Variants in SLC35E4 observed in about 807,000 individuals in gnomAD.
SLC35E4 encodes the protein solute carrier family 35 member E4.
SLC35E4 carries 15 observed loss-of-function variants against 19.3 expected under a neutral mutation model. That is an observed-to-expected ratio of 0.78 (90% confidence interval 0.52 to 1.20). The LOEUF is 1.20. SLC35E4 is among the 50% of genes most tolerant of loss of function. The pLI, the probability that SLC35E4 is intolerant of heterozygous loss-of-function variation, is 0.00. For synonymous variants in SLC35E4, 219 were observed against 219.9 expected (o/e 1.00, Z 0.04); for missense variants, 406 against 472.3 (o/e 0.86, Z 1.30).
chr22:30,663,076 T>G, exon 3 of SLC35E4: 1 of 208,792 alleles, frequency 4.8e-6, no homozygotes, highest in Non-Finnish European at 9.7e-6. Context: ...AAGAATGAGG[T>G]GGAATTGTAG....
rs778703165 is a variant in SLC35E4 at position 30,636,580 on chromosome 22, C to A, written c.130C>A (p.Pro44Thr). Residue 44 changes from proline (P) to threonine (T), a missense_variant, in exon 1 of 2, where the codon CCT becomes ACT. Transcript: ENST00000343605. The part of the protein sequence containing the change: ...PPGSPQALRQ[P>T]GRARVAMAAL... ...TGGCAGCCCTCAGGCCCTCCGGCAG[C>A]CTGGCCGGGCCCGAGTGGCCATGGC... 6.3e-7 allele frequency: 1 copy of A among 1,593,644 alleles called. No homozygotes were observed.
chr22:30,657,797 G>A (rs915031720), intron 2 of SLC35E4, among the ~76,000 whole-genome samples: 4 of 151,352 alleles, frequency 2.6e-5, no homozygotes, highest in East Asian at 3.9e-4. Flanking sequence ...CCAGCTACTC[G>A]GGAGGCTGAG....
downstream of SLC35E4, chr22:30,663,564 A>G: frequency 6.2e-7 from 1 of 1,614,208 alleles, no homozygotes; most frequent in Non-Finnish European, 8.5e-7. Context: ...CTGCTCCCAA[A>G]AGCCGCTGTT....
At chr22:30,653,126 G>C (rs1052896968) in intron 2 of SLC35E4, among the ~76,000 whole-genome samples, 1 of 152,210 alleles carries the variant, frequency 6.6e-6, no homozygotes, top group Non-Finnish European at 1.5e-5. Context: ...CTTAGTAAAT[G>C]CTTGCTCAGT....
At chr22:30,647,961 T>C (rs2088162515), downstream of SLC35E4, 1 of 152,132 alleles carries the variant, frequency 6.6e-6, no homozygotes, top group African/African-American at 2.4e-5. Context: ...ACACAGAAAC[T>C]AGGACATCCT....
downstream of SLC35E4, among the ~76,000 whole-genome samples, chr22:30,651,357 C>T (rs1213942039): frequency 7.5e-6 from 1 of 133,516 alleles, no homozygotes; most frequent in Non-Finnish European, 1.5e-5. Flanking sequence ...TATGCCACCA[C>T]ACGTGGCTAA....
chr22:30,653,729 GA>G (rs1241121409), intron 2 of SLC35E4: 2 of 152,084 alleles, frequency 1.3e-5, no homozygotes, highest in African/African-American at 4.8e-5. Context: ...CCTAGGCTGG[GA>G]ATTTCTGTTT....
At position 30,647,196 on chromosome 22, in the gene SLC35E4, G is replaced by A. The variant is rs562509832; in HGVS notation, c.*165G>A. On this transcript the variant is annotated 3_prime_UTR_variant, in exon 2 of 2. Transcript: ENST00000343605. ...GTGGATCACCTGAGGCCAGGAGTTCGAGACCAGCCTGGCTAACATGGCAAA... is the reference window on the plus strand; with the variant it reads ...GTGGATCACCTGAGGCCAGGAGTTCAAGACCAGCCTGGCTAACATGGCAAA... 13 of 817,736 alleles carry A rather than the reference G, an allele frequency of 1.6e-5. No individual in the cohort carries two copies. In the African/African-American group the frequency reaches 1.7e-4, roughly 11 times the overall value. 50.7% of individuals were successfully genotyped at this position (817,736 alleles called of 1,614,324 possible). A position where few individuals can be genotyped will look rare whatever the true frequency, so the allele number is the denominator to read the frequency against.
intron 2 of SLC35E4, among the ~76,000 whole-genome samples, chr22:30,657,995 TACTC>T (rs1391486403): frequency 1.3e-5 from 2 of 151,446 alleles, no homozygotes; most frequent in African/African-American, 4.8e-5. Context: ...AGGTTCCAGT[TACTC>T]AGGAGGCTAA....
Position 30,636,413 on chromosome 22 carries a change from T to G in SLC35E4, c.-38T>G, listed in dbSNP as rs1387111453. ...TCTCTGGTGGCCCAGAGGTCGTCAC[T>G]GGGGAGCCCGCCTCCTGCCCTAGCC... On this transcript the variant is annotated 5_prime_UTR_variant, in exon 1 of 2. Coordinates refer to ENST00000343605, the MANE Select transcript of SLC35E4 (RefSeq NM_001001479.4). The G allele has an allele frequency of 6.9e-7, 1 of 1,448,250 alleles. No individual in the cohort carries two copies. Among genetic ancestry groups the G allele is most frequent in the Non-Finnish European group, 9.1e-7 (1 of 1,098,514 alleles). 89.7% of individuals were successfully genotyped at this position (1,448,250 alleles called of 1,614,324 possible). A position where few individuals can be genotyped will look rare whatever the true frequency, so the allele number is the denominator to read the frequency against.
At position 30,647,403 on chromosome 22, in the gene SLC35E4, TAA is replaced by T. The variant is rs35362381; in HGVS notation, c.*385_*386del. Reference sequence around the variant, plus strand: ...AGACAGAGCGAGACGCTGTCTCAATTAAAAAAAAAAAAAAGTGGAGAACTGGC... The same window carrying T: ...AGACAGAGCGAGACGCTGTCTCAATTAAAAAAAAAAAAGTGGAGAACTGGC... On this transcript the variant is annotated 3_prime_UTR_variant, in exon 2 of 2. Transcript: ENST00000343605. 430 of 151,032 alleles carry T rather than the reference TAA, an allele frequency of 2.8e-3. No homozygotes were observed. Among genetic ancestry groups the T allele is most frequent in the Middle Eastern group, 3.4e-3 (1 of 294 alleles). The allele number at this position is 151,032 out of a possible 1,614,324, so 9.4% of individuals were successfully genotyped here. A position where few individuals can be genotyped will look rare whatever the true frequency, so the allele number is the denominator to read the frequency against.
At chr22:30,659,782 G>A (rs1420749933) in intron 2 of SLC35E4, among the ~76,000 whole-genome samples, 1 of 152,228 alleles carries the variant, frequency 6.6e-6, no homozygotes, top group African/African-American at 2.4e-5. Flanking sequence ...TTATGCAGAT[G>A]TAACTGATTT....
rs1253402297 is a variant in SLC35E4, at chr22:30,646,921, A to G, written c.943A>G (p.Ile315Val). The G allele has an allele frequency of 1.9e-6, 3 of 1,614,226 alleles. No individual in the cohort carries two copies. The highest frequency in any genetic ancestry group is 2.5e-6 in the Non-Finnish European group (3 of 1,180,036). Residue 315 changes from isoleucine to valine, a missense_variant, in exon 2 of 2, where the codon ATC becomes GTC. Coordinates refer to ENST00000343605, the MANE Select transcript of SLC35E4 (RefSeq NM_001001479.4). ...SRLSALSYVG[I>V]ALTLSGMFLY... ...CCTCAGTGCCCTCAGCTACGTGGGC[A>G]TCGCACTCACTCTTTCAGGAATGTT...
rs1222306033 is a variant in SLC35E4 at position 30,636,586 on chromosome 22, C to G, written c.136C>G (p.Arg46Gly). The change falls in exon 1 of 2, where the codon CGG becomes GGG. Residue 46 changes from arginine (R) to glycine (G), a missense_variant. Physicochemically the swap from Arg to Gly is moderately radical, Grantham distance 125. Coordinates refer to ENST00000343605, the MANE Select transcript of SLC35E4 (RefSeq NM_001001479.4). ...CCCTCAGGCCCTCCGGCAGCCTGGC[C>G]GGGCCCGAGTGGCCATGGCAGCACT... ...GSPQALRQPGRARVAMAALVW... is the reference protein window; with the variant it reads ...GSPQALRQPGGARVAMAALVW... 2 of 1,598,672 alleles carry G rather than the reference C, an allele frequency of 1.3e-6. No individual in the cohort carries two copies. Among genetic ancestry groups the G allele is most frequent in the East Asian group, 2.3e-5 (1 of 43,782 alleles).
intron 1 of SLC35E4, among the ~76,000 whole-genome samples, chr22:30,643,862 GAGGCAGGACAAAC>G (rs1424086044): frequency 2.0e-5 from 3 of 152,216 alleles, no homozygotes; most frequent in African/African-American, 7.2e-5. Flanking sequence ...AGGTGGCAAT[GAGGCAGGACAAAC>G]AGGCTGACAT....
chr22:30,666,324 A>T (rs1198600126), downstream of SLC35E4, among the ~76,000 whole-genome samples: 1 of 152,180 alleles, frequency 6.6e-6, no homozygotes, highest in Non-Finnish European at 1.5e-5. Context: ...ATGCTAGTTA[A>T]GAAATATCTA....
rs768838929 is a variant in SLC35E4 at position 30,636,537 on chromosome 22, GC to G, written c.93del (p.Glu32SerfsTer97). On this transcript the variant is annotated frameshift_variant, in exon 1 of 2. Transcript: ENST00000343605. LOFTEE classifies it high-confidence loss of function. Reference protein sequence around the residue: ...AAAGGAQAAGPPEWPPGSPQA... With the variant: ...AAAGGAQAAGXPEWPPGSPQA... ...CAGCTGGTGGTGCTCAGGCGGCTGG[GC>G]CCCCCGAGTGGCCCCCTGGCAGCCC... 3.2e-6 allele frequency: 5 copies of G among 1,556,554 alleles called. No homozygotes were observed. The highest frequency in any genetic ancestry group is 2.4e-5 in the East Asian group (1 of 41,296).
At chr22:30,666,804 T>C (rs560401308), downstream of SLC35E4, 7 of 152,206 alleles carry the variant, frequency 4.6e-5, no homozygotes, top group East Asian at 1.4e-3. Context: ...TAACAGTACC[T>C]ACCTTAAAAG....
chr22:30,654,498 A>C, intron 2 of SLC35E4: 1 of 433,670 alleles, frequency 2.3e-6, no homozygotes, highest in Non-Finnish European at 4.6e-6. Flanking sequence ...ATGCCGTTAA[A>C]CACCTTGAGG....
Sources: gnomAD v4.1 joint callset for allele counts (sites outside exome capture counted in the v4.1 genomes callset) on GRCh38, gnomAD v4.1.1 for gene constraint, MANE v1.5 for transcripts, NCBI Gene and HGNC (gene_info 2026-07-23, HGNC 2026-07-21) for gene names.